IL16: variants seen among roughly 807,000 people sequenced by gnomAD.
IL16 encodes the protein pro-interleukin-16.
In IL16, 67 loss-of-function variants were observed where a neutral mutation model predicts 110.1. The ratio of observed to expected loss-of-function variants is 0.61; its 90% CI spans 0.50 to 0.75. The LOEUF (loss-of-function observed/expected upper bound fraction) is 0.75. Among genes scored for constraint, IL16 ranks in the 30% least tolerant of loss-of-function variants. The probability of loss-of-function intolerance (pLI) is 0.00; values close to 1 mark genes in which losing one functional copy is unlikely to be tolerated. For missense variants in IL16, 1,545 were observed against 1,655.0 expected (o/e 0.93, Z 1.15); for synonymous variants, 689 against 662.9 (o/e 1.04, Z -0.61).
chr15:81,182,910 C>G, intron 1 of IL16: 1 of 1,286,872 alleles, frequency 7.8e-7, no homozygotes, highest in Non-Finnish European at 1.0e-6. Flanking sequence ...AGTGGAGCTC[C>G]TTCTCCTATC....
In IL16 at chr15:81,299,427, C is replaced by G. The variant is rs753354581; in HGVS notation, c.2101C>G (p.Arg701Gly). ...IKHPLLKRQA[R>G]MDYSFDTTAE... ...ACACCCACTGCTTAAGAGGCAGGCT[C>G]GGATGGACTATAGCTTTGATACCAC... Residue 701 changes from arginine (R) to glycine (G), a missense_variant, in exon 14 of 19, where the codon CGG becomes GGG. Coordinates refer to ENST00000683961, the MANE Select transcript of IL16 (RefSeq NM_172217.5). 1 of 1,614,108 alleles carries G rather than the reference C, an allele frequency of 6.2e-7. No individual in the cohort carries two copies. Among genetic ancestry groups the G allele is most frequent in the South Asian group, 1.1e-5 (1 of 91,090 alleles).
intron 1 of IL16, among the ~76,000 whole-genome samples, chr15:81,185,363 CT>C (rs537025840): frequency 0.038 from 5,355 of 141,626 alleles, 237 homozygotes; most frequent in African/African-American, 0.11. Flanking sequence ...TTTTCTTTTC[CT>C]TTTTTTTTTT....
At chr15:81,299,355 C>G in intron 13 of IL16, 25 bp from the exon 14 acceptor site, 1 of 1,608,308 alleles carries the variant, frequency 6.2e-7, no homozygotes, top group Non-Finnish European at 8.5e-7. Flanking sequence ...TAATGCACAG[C>G]TTTGGCCTTG....
intron 5 of IL16, among the ~76,000 whole-genome samples, chr15:81,271,066 A>ATTG (rs763458298): frequency 1.2e-4 from 18 of 152,114 alleles, no homozygotes; most frequent in Non-Finnish European, 1.3e-4. Context: ...AAACCCGGGC[A>ATTG]TTGTGCTATG....
chr15:81,295,160 C>G (rs1056036562), intron 12 of IL16, among the ~76,000 whole-genome samples: 2 of 152,178 alleles, frequency 1.3e-5, no homozygotes, highest in African/African-American at 4.8e-5. Context: ...TTCGAAGAAT[C>G]CTTTCTTAGA....
chr15:81,207,116 G>A (rs1246557826), intron 1 of IL16, among the ~76,000 whole-genome samples: 22 of 151,764 alleles, frequency 1.4e-4, no homozygotes, highest in Admixed American at 1.4e-3. Context: ...GGCGCCTGTG[G>A]TCCCAGCTCC....
chr15:81,218,767 C>T (rs766286465), intron 1 of IL16, among the ~76,000 whole-genome samples: 4 of 152,128 alleles, frequency 2.6e-5, no homozygotes, highest in Non-Finnish European at 5.9e-5. Flanking sequence ...TTCAGCTTTA[C>T]AATATATTGC....
intron 2 of IL16, among the ~76,000 whole-genome samples, chr15:81,250,231 G>A (rs1258550347): frequency 6.6e-6 from 1 of 152,118 alleles, no homozygotes; most frequent in Non-Finnish European, 1.5e-5. Context: ...GTGCAGTGAC[G>A]TGATCTCGGC....
rs1160144511 is a variant in IL16 at position 81,309,414 on chromosome 15, A to T, written c.*616A>T. On this transcript the variant is annotated 3_prime_UTR_variant, in exon 19 of 19. Transcript: ENST00000683961. ...ACAACATGGTGTCTGGATTCCCAGG[A>T]TGAGCATCCCAGGATCGCAAGAGCC... The T allele has an allele frequency of 1.3e-5, 2 of 152,650 alleles. No homozygotes were observed. Among genetic ancestry groups the T allele is most frequent in the Admixed American group, 6.5e-5 (1 of 15,294 alleles). The allele number at this position is 152,650 out of a possible 1,614,324, so 9.5% of individuals were successfully genotyped here.
At chr15:81,243,193 T>TTTTTTA in intron 2 of IL16, among the ~76,000 whole-genome samples, 1 of 103,646 alleles carries the variant, frequency 9.6e-6, no homozygotes, top group Non-Finnish European at 1.9e-5. Context: ...TTTTTTTTTT[T>TTTTTTA]GAGGCAAGGT....
intron 1 of IL16, among the ~76,000 whole-genome samples, chr15:81,185,799 T>A (rs1895411072): frequency 6.6e-6 from 1 of 152,126 alleles, no homozygotes; most frequent in African/African-American, 2.4e-5. Flanking sequence ...AGGTGCTATT[T>A]GAGTTGTTTT....
At chr15:81,284,598 A>G (rs1899354549) in intron 9 of IL16, among the ~76,000 whole-genome samples, 1 of 152,192 alleles carries the variant, frequency 6.6e-6, no homozygotes, top group Admixed American at 6.5e-5. Context: ...AGCAGTAAAA[A>G]GGAAGCAAGG....
chr15:81,280,765 A>T (rs979026860), intron 8 of IL16, among the ~76,000 whole-genome samples: 6 of 152,198 alleles, frequency 3.9e-5, no homozygotes, highest in Admixed American at 1.3e-4. Flanking sequence ...ATGCCTCTGT[A>T]TGCCTGCAAG....
At chr15:81,271,240 G>A (rs1470456355) in intron 5 of IL16, among the ~76,000 whole-genome samples, 4 of 151,456 alleles carry the variant, frequency 2.6e-5, no homozygotes, top group Non-Finnish European at 4.4e-5. Context: ...AACATAGTAA[G>A]ACCCTGTCTC....
At position 81,313,028 on chromosome 15, in the gene IL16, T is replaced by G; in HGVS notation, c.*4230T>G. 1 of 355,694 alleles carries G rather than the reference T, an allele frequency of 2.8e-6. No homozygotes were observed. Among genetic ancestry groups the G allele is most frequent in the Non-Finnish European group, 5.0e-6 (1 of 200,730 alleles). 22.0% of individuals were successfully genotyped at this position (355,694 alleles called of 1,614,324 possible). ...GAGGCGTGTTTGGGTAACAGGCAGA[T>G]GGAGTTTGGAACACATGAATGGCTC... On this transcript the variant is annotated 3_prime_UTR_variant, in exon 19 of 19. Transcript: ENST00000683961.
At chr15:81,273,049 GAATACTACCCCTAAATCAGA>G in intron 5 of IL16, 21 bp from the exon 6 acceptor site, 1 of 1,513,674 alleles carries the variant, frequency 6.6e-7, no homozygotes, top group South Asian at 1.1e-5. Context: ...GAGAAGCATG[GAATACTACCCCTAAATCAGA>G]CCTTCTCTTT....
At chr15:81,244,145 G>A (rs1159415334) in intron 2 of IL16, among the ~76,000 whole-genome samples, 1 of 152,068 alleles carries the variant, frequency 6.6e-6, no homozygotes, top group Admixed American at 6.6e-5. Context: ...TGCTATAATT[G>A]TCTTAAAATA....
intron 2 of IL16, among the ~76,000 whole-genome samples, chr15:81,256,159 T>C (rs1038170919): frequency 6.6e-6 from 1 of 152,194 alleles, no homozygotes; most frequent in African/African-American, 2.4e-5. Context: ...AAGTGCTTAA[T>C]AAACATTTGT....
Position 81,300,228 on chromosome 15 carries a change from C to T in IL16, c.2902C>T (p.Pro968Ser), listed in dbSNP as rs895192189. 5 of 1,614,114 alleles carry T rather than the reference C, an allele frequency of 3.1e-6. No homozygotes were observed. The highest frequency in any genetic ancestry group is 4.2e-6 in the Non-Finnish European group (5 of 1,180,054). Reference sequence around the variant, plus strand: ...GCCTAGCCAGCGAGCACGGAGCTTCCCCCTGACCAGGTCCCAGTCCTGTGA... The same window carrying T: ...GCCTAGCCAGCGAGCACGGAGCTTCTCCCTGACCAGGTCCCAGTCCTGTGA... ...KMPSQRARSF[P>S]LTRSQSCETK... Residue 968 changes from proline (P) to serine (S), a missense_variant, in exon 14 of 19, where the codon CCC becomes TCC. Transcript: ENST00000683961.
Sources: gnomAD v4.1 joint callset for allele counts (sites outside exome capture counted in the v4.1 genomes callset) on GRCh38, gnomAD v4.1.1 for gene constraint, MANE v1.5 for transcripts, NCBI Gene and HGNC (gene_info 2026-07-23, HGNC 2026-07-21) for gene names.